MINDY3: variants seen among roughly 807,000 people sequenced by gnomAD.
MINDY3 encodes ubiquitin carboxyl-terminal hydrolase MINDY-3.
MINDY3 carries 38 observed loss-of-function variants against 69.2 expected under a neutral mutation model. The observed-to-expected ratio is 0.55, with a 90% CI of 0.42 to 0.72. The LOEUF (loss-of-function observed/expected upper bound fraction) is 0.72, where lower values mean the gene tolerates loss of function less well. MINDY3 is among the 30% of genes least tolerant of loss of function. The probability of loss-of-function intolerance (pLI) is 0.00; values close to 1 mark genes in which losing one functional copy is unlikely to be tolerated. For missense variants in MINDY3, 522 were observed against 519.0 expected (o/e 1.01, Z -0.06); for synonymous variants, 192 against 180.1 (o/e 1.07, Z -0.53).
At chr10:15,804,795 T>C (rs932342231) in intron 10 of MINDY3, among the ~76,000 whole-genome samples, 2 of 152,124 alleles carry the variant, frequency 1.3e-5, no homozygotes, top group African/African-American at 4.8e-5. Flanking sequence ...CAGAACGTCA[T>C]TAGTGGCAGC....
At chr10:15,783,096 C>T (rs542290607) in intron 13 of MINDY3, among the ~76,000 whole-genome samples, 1 of 152,288 alleles carries the variant, frequency 6.6e-6, no homozygotes, top group East Asian at 1.9e-4. Context: ...AAGACAGCTG[C>T]TGGCAACTGG....
intron 8 of MINDY3, among the ~76,000 whole-genome samples, chr10:15,829,934 C>T (rs906197258): frequency 2.0e-5 from 3 of 152,144 alleles, no homozygotes; most frequent in South Asian, 2.1e-4. Context: ...CTGGTGCCAT[C>T]GCCACACCCG....
At chr10:15,818,335 A>C (rs1490369251) in intron 9 of MINDY3, among the ~76,000 whole-genome samples, 2 of 152,056 alleles carry the variant, frequency 1.3e-5, no homozygotes, top group African/African-American at 4.8e-5. Context: ...AAAAACAAAC[A>C]AACAAAGGAT....
intron 5 of MINDY3, chr10:15,837,724 C>T (rs1833186250): frequency 9.5e-7 from 1 of 1,056,030 alleles, no homozygotes; most frequent in East Asian, 9.1e-5. Context: ...ATAACTTACA[C>T]ATTTGCGGCT....
intron 1 of MINDY3, 136 bp from the exon 2 acceptor site, chr10:15,848,079 AGG>A: frequency 1.4e-6 from 1 of 697,714 alleles, no homozygotes; most frequent in South Asian, 1.9e-5. Flanking sequence ...GTGTGGATCA[AGG>A]AACCTTTTGA....
At chr10:15,783,989 T>G (rs769038763) in intron 13 of MINDY3, among the ~76,000 whole-genome samples, 12 of 152,336 alleles carry the variant, frequency 7.9e-5, no homozygotes, top group Middle Eastern at 6.8e-3. Context: ...CTATATTGGA[T>G]TTCTGAATCA....
At chr10:15,783,040 C>T (rs1450587402) in intron 13 of MINDY3, among the ~76,000 whole-genome samples, 1 of 152,154 alleles carries the variant, frequency 6.6e-6, no homozygotes, top group Non-Finnish European at 1.5e-5. Flanking sequence ...TGGATACAAA[C>T]AGGCACATGG....
intron 14 of MINDY3, among the ~76,000 whole-genome samples, chr10:15,781,809 C>T (rs1478501457): frequency 6.6e-6 from 1 of 152,148 alleles, no homozygotes; most frequent in Non-Finnish European, 1.5e-5. Flanking sequence ...AGTAAAAAGT[C>T]TCACTGTTAC....
Position 15,841,538 on chromosome 10 carries a change from A to C in MINDY3, c.297T>G (p.Cys99Trp). The C allele has an allele frequency of 2.5e-6, 4 of 1,611,724 alleles. No individual in the cohort carries two copies. The highest frequency in any genetic ancestry group is 3.4e-6 in the Non-Finnish European group (4 of 1,178,414). The change falls in exon 4 of 15, where the codon TGT becomes TGG. Residue 99 changes from cysteine to tryptophan, a missense_variant. By Grantham distance (215) the Cys-to-Trp change is radical (BLOSUM62 -2). Transcript: ENST00000277632. ...CCAAGCAGTATGATCCAGAGTGGTC[A>C]CAACAAGCACTTTCTAAAATATCAC... ...TLCDILESAC[C>W]DHSGSYCLVS...
chr10:15,853,870 T>C (rs1334670111), intron 1 of MINDY3, among the ~76,000 whole-genome samples: 1 of 152,052 alleles, frequency 6.6e-6, no homozygotes, highest in Non-Finnish European at 1.5e-5. Flanking sequence ...TAGCCAGTGA[T>C]AAAATTTCGA....
At chr10:15,830,790 A>C (rs985617347) in intron 8 of MINDY3, among the ~76,000 whole-genome samples, 7 of 152,224 alleles carry the variant, frequency 4.6e-5, no homozygotes, top group Non-Finnish European at 8.8e-5. Context: ...CAAATGACAC[A>C]GATTTCAGAT....
intron 1 of MINDY3, among the ~76,000 whole-genome samples, chr10:15,857,536 T>C (rs1323253325): frequency 1.3e-5 from 2 of 152,156 alleles, no homozygotes; most frequent in Admixed American, 1.3e-4. Flanking sequence ...GAAAATTATA[T>C]GCTATTCTTT....
At chr10:15,845,845 C>CA (rs1833801952) in intron 2 of MINDY3, among the ~76,000 whole-genome samples, 1 of 82,444 alleles carries the variant, frequency 1.2e-5, no homozygotes, top group Admixed American at 1.8e-4. Flanking sequence ...TTTTTTGAGA[C>CA]AGAGTTTCAC....
chr10:15,810,603 T>C (rs1838930785), intron 10 of MINDY3, among the ~76,000 whole-genome samples: 1 of 152,122 alleles, frequency 6.6e-6, no homozygotes, highest in Non-Finnish European at 1.5e-5. Context: ...AACATGGTCA[T>C]CTCACAATTT....
chr10:15,846,785 G>A (rs569079521), intron 2 of MINDY3, among the ~76,000 whole-genome samples: 42 of 150,478 alleles, frequency 2.8e-4, no homozygotes, highest in African/African-American at 1.0e-3. Flanking sequence ...GTACAGTGGC[G>A]CAATCTCGGC....
intron 11 of MINDY3, among the ~76,000 whole-genome samples, chr10:15,793,427 A>G (rs890050605): frequency 7.2e-5 from 11 of 152,138 alleles, no homozygotes; most frequent in African/African-American, 2.2e-4. Context: ...ACCTTGTTTT[A>G]TAAGTATGCT....
At chr10:15,819,334 T>C (rs1839595986) in intron 9 of MINDY3, among the ~76,000 whole-genome samples, 1 of 152,314 alleles carries the variant, frequency 6.6e-6, no homozygotes, top group African/African-American at 2.4e-5. Context: ...AGATGAACAC[T>C]GTAGCGTAAT....
At chr10:15,839,347 C>G (rs1271522571) in intron 4 of MINDY3, among the ~76,000 whole-genome samples, 1 of 151,608 alleles carries the variant, frequency 6.6e-6, no homozygotes, top group Non-Finnish European at 1.5e-5. Flanking sequence ...GTATTCACTA[C>G]TGCGAACAAC....
intron 13 of MINDY3, among the ~76,000 whole-genome samples, chr10:15,783,822 C>T (rs1836739620): frequency 1.3e-5 from 2 of 152,096 alleles, no homozygotes; most frequent in South Asian, 2.1e-4. Context: ...TCTTGGCTAT[C>T]AGAGTTAAAT....
Sources: gnomAD v4.1 joint callset for allele counts (sites outside exome capture counted in the v4.1 genomes callset) on GRCh38, gnomAD v4.1.1 for gene constraint, MANE v1.5 for transcripts, NCBI Gene and HGNC (gene_info 2026-07-23, HGNC 2026-07-21) for gene names.